RPS6KA5: variants seen among roughly 807,000 people sequenced by gnomAD.
RPS6KA5 encodes ribosomal protein S6 kinase alpha-5.
Under a neutral mutation model 85.5 loss-of-function variants are expected in RPS6KA5, and 27 were observed. That is an observed-to-expected ratio of 0.32 (90% CI 0.23 to 0.44). The LOEUF (loss-of-function observed/expected upper bound fraction) is 0.44, where lower values mean the gene tolerates loss of function less well. RPS6KA5 is among the 20% of genes least tolerant of loss of function. The pLI, the probability that RPS6KA5 is intolerant of heterozygous loss-of-function variation, is 1.00. For missense variants in RPS6KA5, 811 were observed against 980.9 expected (o/e 0.83, Z 2.31); for synonymous variants, 334 against 348.2 (o/e 0.96, Z 0.46).
intron 1 of RPS6KA5, among the ~76,000 whole-genome samples, chr14:91,043,545 G>C (rs1286046576): frequency 6.6e-6 from 1 of 152,128 alleles, no homozygotes; most frequent in Non-Finnish European, 1.5e-5. Flanking sequence ...TTTCCTATAC[G>C]TAGATTGGAA....
At position 90,860,123 on chromosome 14, in the gene RPS6KA5, C is replaced by A. The variant is rs1758687222; in HGVS notation, c.*11951G>T. ...TTAAAAGTATAATAAAAAATAAAAA[C>A]AAAGACGAAGAGAAAATCTTAAAAG... is the stretch of plus-strand genomic sequence containing the variant. On this transcript the variant is annotated 3_prime_UTR_variant, in exon 17 of 17. Coordinates refer to ENST00000614987, the MANE Select transcript of RPS6KA5 (RefSeq NM_004755.4). 6.6e-6 allele frequency: 1 copy of A among 152,066 alleles called. No homozygotes were observed. The highest frequency in any genetic ancestry group is 2.1e-4 in the South Asian group (1 of 4,818). The allele number at this position is 152,066 out of a possible 1,614,324, so 9.4% of individuals were successfully genotyped here. A position where few individuals can be genotyped will look rare whatever the true frequency, so the allele number is the denominator to read the frequency against.
intron 1 of RPS6KA5, among the ~76,000 whole-genome samples, chr14:91,044,445 G>GA (rs1555383460): frequency 6.8e-6 from 1 of 147,622 alleles, no homozygotes; most frequent in African/African-American, 2.5e-5. Flanking sequence ...AAGAAAGAAA[G>GA]AAAATTACCC....
chr14:90,960,283 T>C (rs2038731972), intron 3 of RPS6KA5, among the ~76,000 whole-genome samples: 1 of 152,152 alleles, frequency 6.6e-6, no homozygotes, highest in African/African-American at 2.4e-5. Flanking sequence ...GGCTCGGGCA[T>C]GCCCCTGAAA....
At chr14:90,974,101 A>G (rs2039455673) in intron 3 of RPS6KA5, among the ~76,000 whole-genome samples, 1 of 151,514 alleles carries the variant, frequency 6.6e-6, no homozygotes, top group Non-Finnish European at 1.5e-5. Context: ...CTTCTAGGAG[A>G]AAAAATATAA....
chr14:91,010,262 C>T (rs1316116598), intron 1 of RPS6KA5, among the ~76,000 whole-genome samples: 1 of 152,168 alleles, frequency 6.6e-6, no homozygotes, highest in Non-Finnish European at 1.5e-5. Context: ...CCTACCTTGA[C>T]ATACCATGAC....
At chr14:90,943,259 CTTTA>C (rs1421291672) in intron 4 of RPS6KA5, 74 bp from the exon 5 acceptor site, 1 of 786,134 alleles carries the variant, frequency 1.3e-6, no homozygotes, top group Non-Finnish European at 2.0e-6. Flanking sequence ...TCTCGTCTAC[CTTTA>C]TTTATTTATT....
chr14:90,983,360 G>A (rs1222412987), intron 2 of RPS6KA5, among the ~76,000 whole-genome samples: 4 of 151,750 alleles, frequency 2.6e-5, no homozygotes, highest in African/African-American at 9.7e-5. Flanking sequence ...AGAAATTTGA[G>A]AAGCAGAGGC....
Position 90,868,160 on chromosome 14 carries a change from G to A in RPS6KA5, c.*3914C>T, listed in dbSNP as rs2032882812. On this transcript the variant is annotated 3_prime_UTR_variant, in exon 17 of 17. Transcript: ENST00000614987. Reference sequence around the variant, plus strand: ...CAAAACAGGGAATAAAACCTTTAATGTTGGCTGTAGCAGTTATTTTCTTTG... The same window carrying A: ...CAAAACAGGGAATAAAACCTTTAATATTGGCTGTAGCAGTTATTTTCTTTG... 1 of 152,138 alleles carries A rather than the reference G, an allele frequency of 6.6e-6. No individual in the cohort carries two copies. The highest frequency in any genetic ancestry group is 6.5e-5 in the Admixed American group (1 of 15,270). 9.4% of individuals were successfully genotyped at this position (152,138 alleles called of 1,614,324 possible).
At position 90,850,680 on chromosome 14, in the gene RPS6KA5, G is replaced by A. The variant is rs2031959906; in HGVS notation, c.*21394C>T. The A allele has an allele frequency of 6.6e-6, 1 of 152,242 alleles. No homozygotes were observed. The highest frequency in any genetic ancestry group is 2.4e-5 in the African/African-American group (1 of 41,466). The allele number at this position is 152,242 out of a possible 1,614,324, so 9.4% of individuals were successfully genotyped here. A position where few individuals can be genotyped will look rare whatever the true frequency, so the allele number is the denominator to read the frequency against. The stretch of plus-strand genomic sequence containing the variant: ...TCAGGAAAAGGCTGCACAAGCACCT[G>A]TTGGTGAGGTCACCAGGAAGGAATC... On this transcript the variant is annotated 3_prime_UTR_variant, in exon 17 of 17. Coordinates refer to ENST00000614987, the MANE Select transcript of RPS6KA5 (RefSeq NM_004755.4).
At chr14:90,949,961 G>C (rs1251714554) in intron 3 of RPS6KA5, among the ~76,000 whole-genome samples, 2 of 152,186 alleles carry the variant, frequency 1.3e-5, no homozygotes, top group Non-Finnish European at 2.9e-5. Flanking sequence ...TTAATTTTGA[G>C]GGGGCAGTTA....
chr14:91,020,116 T>C (rs1026335399), intron 1 of RPS6KA5, among the ~76,000 whole-genome samples: 2 of 152,162 alleles, frequency 1.3e-5, no homozygotes, highest in Non-Finnish European at 2.9e-5. Context: ...TATAATCTAA[T>C]GGGACCACTG....
intron 1 of RPS6KA5, among the ~76,000 whole-genome samples, chr14:91,031,383 A>G (rs2042180842): frequency 6.6e-6 from 1 of 152,228 alleles, no homozygotes; most frequent in South Asian, 2.1e-4. Context: ...TGCGCCACAG[A>G]TATAATACTA....
At chr14:90,889,880 T>C (rs994697933) in intron 14 of RPS6KA5, among the ~76,000 whole-genome samples, 2 of 152,190 alleles carry the variant, frequency 1.3e-5, no homozygotes, top group Non-Finnish European at 2.9e-5. Flanking sequence ...CTTCTTTCTG[T>C]ACTGTCTGAA....
intron 2 of RPS6KA5, among the ~76,000 whole-genome samples, chr14:90,983,484 CA>C (rs2039896154): frequency 6.6e-6 from 1 of 151,788 alleles, no homozygotes; most frequent in Non-Finnish European, 1.5e-5. Flanking sequence ...CCTGTGGTCC[CA>C]GCTACTTAGG....
rs746195386 is a variant in RPS6KA5 at position 90,920,240 on chromosome 14, C to T, written c.772G>A (p.Asp258Asn). 2 of 1,611,898 alleles carry T rather than the reference C, an allele frequency of 1.2e-6. No homozygotes were observed. The highest frequency in any genetic ancestry group is 3.3e-5 in the Admixed American group (2 of 59,992). ...LLTGASPFTV[D>N]GEKNSQAEIS... ...TCAGCTTGGGAATTTTTTTCTCCATCAACAGTGAAAGGAGATGCTCCAGTT... is the reference window on the plus strand; with the variant it reads ...TCAGCTTGGGAATTTTTTTCTCCATTAACAGTGAAAGGAGATGCTCCAGTT... Residue 258 changes from aspartate (D) to asparagine (N), a missense_variant, in exon 7 of 17, where the codon GAT becomes AAT. Transcript: ENST00000614987.
intron 14 of RPS6KA5, among the ~76,000 whole-genome samples, chr14:90,878,076 A>G (rs2033595704): frequency 6.6e-6 from 1 of 152,170 alleles, no homozygotes; most frequent in South Asian, 2.1e-4. Context: ...ACTGGTGTGC[A>G]CACCTGTAGA....
chr14:90,969,898 A>AT (rs909414326), intron 3 of RPS6KA5, among the ~76,000 whole-genome samples: 19 of 149,526 alleles, frequency 1.3e-4, no homozygotes, highest in African/African-American at 3.0e-4. Context: ...TCTTCTTTTT[A>AT]TTTTTTTTCC....
At chr14:90,879,853 G>A (rs935375018) in intron 14 of RPS6KA5, among the ~76,000 whole-genome samples, 3 of 147,432 alleles carry the variant, frequency 2.0e-5, no homozygotes, top group Non-Finnish European at 4.4e-5. Context: ...CACGATCTTC[G>A]GCTCACTGCA....
chr14:91,043,376 A>G (rs1397812165), intron 1 of RPS6KA5, among the ~76,000 whole-genome samples: 2 of 152,186 alleles, frequency 1.3e-5, no homozygotes, highest in Non-Finnish European at 2.9e-5. Context: ...TCTGCAACCC[A>G]GACCTCTTTT....
Sources: allele counts gnomAD v4.1 joint callset (sites outside exome capture counted in the v4.1 genomes callset), GRCh38; gene constraint gnomAD v4.1.1; transcripts MANE v1.5; gene names NCBI Gene and HGNC (gene_info 2026-07-23, HGNC 2026-07-21).